KIAA1328: variants seen among roughly 807,000 people sequenced by gnomAD.
KIAA1328 encodes protein hinderin.
A neutral mutation model predicts 68.1 loss-of-function variants in KIAA1328; 52 were observed. That is an observed-to-expected ratio of 0.76 (90% CI 0.61 to 0.96). The LOEUF is 0.96. Among genes scored for constraint, KIAA1328 ranks in the 40% least tolerant of loss-of-function variants. The pLI is 0.00. For synonymous variants in KIAA1328, 232 were observed against 239.4 expected, an observed-to-expected ratio of 0.97 and a Z score of 0.28; for missense variants, 641 against 677.6, an observed-to-expected ratio of 0.95 and a Z score of 0.60.
At chr18:36,837,951 T>G (rs2150779173) in intron 3 of KIAA1328, among the ~76,000 whole-genome samples, 1 of 152,272 alleles carries the variant, frequency 6.6e-6, no homozygotes, top group South Asian at 2.1e-4. Flanking sequence ...TATATTTTTA[T>G]TTTTGGAATT....
chr18:36,881,498 T>C (rs1458112539), intron 4 of KIAA1328, among the ~76,000 whole-genome samples: 1 of 152,124 alleles, frequency 6.6e-6, no homozygotes, highest in Non-Finnish European at 1.5e-5. Context: ...AATATATAAT[T>C]CCATTTTTTA....
chr18:37,192,145 T>TTTTGTG (rs34157700), intron 9 of KIAA1328, among the ~76,000 whole-genome samples: 5 of 144,642 alleles, frequency 3.5e-5, no homozygotes, highest in African/African-American at 1.3e-4. Context: ...AGTCAAGAAA[T>TTTTGTG]TGTGTGTGTG....
At chr18:36,952,259 C>G (rs921908251) in intron 5 of KIAA1328, among the ~76,000 whole-genome samples, 2 of 152,116 alleles carry the variant, frequency 1.3e-5, no homozygotes, top group East Asian at 3.9e-4. Flanking sequence ...TTCTCTGGAG[C>G]CTTTCCTAAC....
chr18:37,161,205 AC>A (rs1240362016), intron 8 of KIAA1328, among the ~76,000 whole-genome samples: 1 of 151,906 alleles, frequency 6.6e-6, no homozygotes, highest in South Asian at 2.1e-4. Context: ...GCACCTTTCT[AC>A]CTCTGGTGTC....
At chr18:37,040,848 G>A (rs2055217129) in intron 6 of KIAA1328, among the ~76,000 whole-genome samples, 1 of 150,462 alleles carries the variant, frequency 6.6e-6, no homozygotes, top group African/African-American at 2.4e-5. Flanking sequence ...AAATATTTGG[G>A]GATTTTTCCA....
At chr18:36,958,639 T>C (rs2051521587) in intron 5 of KIAA1328, among the ~76,000 whole-genome samples, 1 of 152,214 alleles carries the variant, frequency 6.6e-6, no homozygotes, top group African/African-American at 2.4e-5. Flanking sequence ...ATATTTTGTT[T>C]TGGGAAATGT....
chr18:37,162,438 A>G (rs943391704), intron 8 of KIAA1328, among the ~76,000 whole-genome samples: 6 of 152,148 alleles, frequency 3.9e-5, no homozygotes, highest in African/African-American at 1.2e-4. Context: ...TATTATCTAT[A>G]TGACCATTAA....
chr18:37,073,461 A>G (rs2056605074), intron 7 of KIAA1328, among the ~76,000 whole-genome samples: 1 of 152,204 alleles, frequency 6.6e-6, no homozygotes. Context: ...ATGCGATACC[A>G]TCTCACGCCA....
At chr18:36,928,765 T>G (rs1207128888) in intron 5 of KIAA1328, among the ~76,000 whole-genome samples, 1 of 152,220 alleles carries the variant, frequency 6.6e-6, no homozygotes, top group African/African-American at 2.4e-5. Context: ...TTCTTTGGTC[T>G]GTGTTGTTGT....
At chr18:37,071,726 T>C (rs189532079) in intron 7 of KIAA1328, among the ~76,000 whole-genome samples, 106 of 152,316 alleles carry the variant, frequency 7.0e-4, no homozygotes, top group Middle Eastern at 3.4e-3. Context: ...TTTTTGAGTA[T>C]GTTTCTTTGA....
chr18:37,003,993 A>G (rs942651715), intron 6 of KIAA1328, among the ~76,000 whole-genome samples: 17 of 151,972 alleles, frequency 1.1e-4, no homozygotes, highest in African/African-American at 3.9e-4. Context: ...CTCTGGCCCT[A>G]TAGTATAGTT....
chr18:37,074,089 A>C (rs2056625767), intron 7 of KIAA1328, among the ~76,000 whole-genome samples: 1 of 152,184 alleles, frequency 6.6e-6, no homozygotes, highest in African/African-American at 2.4e-5. Flanking sequence ...AATGGGGAAA[A>C]TGAGACCACA....
At chr18:37,053,145 A>T (rs888563192) in intron 6 of KIAA1328, among the ~76,000 whole-genome samples, 2 of 152,218 alleles carry the variant, frequency 1.3e-5, no homozygotes, top group Non-Finnish European at 1.5e-5. Context: ...AAAAATAGAC[A>T]CACAGACCAA....
chr18:37,208,233 G>C (rs185553428), intron 9 of KIAA1328, among the ~76,000 whole-genome samples: 1 of 152,244 alleles, frequency 6.6e-6, no homozygotes. Flanking sequence ...GGCAGAGATA[G>C]TAGGAATGGC....
intron 4 of KIAA1328, among the ~76,000 whole-genome samples, chr18:36,852,135 G>A (rs995179946): frequency 3.7e-4 from 56 of 152,168 alleles, no homozygotes; most frequent in African/African-American, 1.1e-3. Flanking sequence ...TATTGTGGTG[G>A]AAAAGGTACT....
At chr18:37,057,953 C>A (rs957555823) in intron 6 of KIAA1328, among the ~76,000 whole-genome samples, 3 of 152,224 alleles carry the variant, frequency 2.0e-5, no homozygotes, top group Non-Finnish European at 2.9e-5. Context: ...TGGCTGAGGC[C>A]AGCATCACAG....
intron 1 of KIAA1328, chr18:36,829,527 G>T: frequency 1.0e-6 from 1 of 1,000,598 alleles, no homozygotes; most frequent in Non-Finnish European, 1.2e-6. Context: ...CTGTCAGAGT[G>T]CCCCCAGGCT....
At chr18:37,010,870 T>C (rs2053956029) in intron 6 of KIAA1328, among the ~76,000 whole-genome samples, 1 of 152,154 alleles carries the variant, frequency 6.6e-6, no homozygotes, top group South Asian at 2.1e-4. Context: ...ATAGCAATAA[T>C]TGACAGAAAC....
At position 37,067,483 on chromosome 18, in the gene KIAA1328, G is replaced by A. The variant is rs1188099299; in HGVS notation, c.1170G>A (p.Gln390=). 7 of 1,550,946 alleles carry A rather than the reference G, an allele frequency of 4.5e-6. No individual in the cohort carries two copies. Among genetic ancestry groups the A allele is most frequent in the Non-Finnish European group, 6.1e-6 (7 of 1,149,684 alleles). ...AGCGCCTTCAGCATCTGCTGGCCCA[G>A]CAGGAGACAAAGCTTCTTCTAAAAC... ...EKERLQHLLA[Q]QETKLLLKQQ... The change falls in exon 7 of 10, where the codon CAG becomes CAA. Residue 390 remains glutamine, a synonymous_variant. Coordinates refer to ENST00000280020, the MANE Select transcript of KIAA1328 (RefSeq NM_020776.3).
Sources: gnomAD v4.1 joint callset for allele counts (sites outside exome capture counted in the v4.1 genomes callset) on GRCh38, gnomAD v4.1.1 for gene constraint, MANE v1.5 for transcripts, NCBI Gene and HGNC (gene_info 2026-07-23, HGNC 2026-07-21) for gene names.